DPP10: variants seen among roughly 807,000 people sequenced by gnomAD.
The protein encoded by DPP10 is inactive dipeptidyl peptidase 10.
A neutral mutation model predicts 120.9 loss-of-function variants in DPP10; 33 were observed. The ratio of observed to expected loss-of-function variants is 0.27; its 90% CI spans 0.21 to 0.37. The LOEUF (loss-of-function observed/expected upper bound fraction) is 0.37, where lower values mean the gene tolerates loss of function less well. Ranked by LOEUF, DPP10 falls within the 10% of genes least tolerant of loss-of-function variation. The probability of loss-of-function intolerance (pLI) is 1.00; values close to 1 mark genes in which losing one functional copy is unlikely to be tolerated. For missense variants in DPP10, 816 were observed against 942.8 expected (o/e 0.87, Z 1.76); for synonymous variants, 337 against 326.1 (o/e 1.03, Z -0.36).
intron 1 of DPP10, among the ~76,000 whole-genome samples, chr2:114,578,548 C>T (rs759230521): frequency 2.6e-5 from 4 of 152,238 alleles, no homozygotes; most frequent in South Asian, 4.1e-4. Context: ...CATTTAAATG[C>T]AAAATGGAGT....
At chr2:115,092,266 T>A (rs1254899128) in intron 1 of DPP10, among the ~76,000 whole-genome samples, 1 of 152,200 alleles carries the variant, frequency 6.6e-6, no homozygotes, top group East Asian at 1.9e-4. Context: ...ATGTCCATTA[T>A]CACCTCATTA....
chr2:115,477,553 A>G lies in DPP10; in HGVS notation c.272-21957A>G, dbSNP rs369673955. Among the ~76,000 whole-genome samples, 22 of 152,304 alleles carry G rather than the reference A, an allele frequency of 1.4e-4. No individual in the cohort carries two copies. In the South Asian group the frequency reaches 4.3e-3, roughly 30 times the overall value. On this transcript the variant is annotated intron_variant, in intron 3 of 25. Transcript: ENST00000410059. ...CCACATACATGGATTGAGAGACAGT[A>G]TTGTTAAGATGCCAATAATGTCCAA...
At chr2:114,527,415 G>A (rs946785048) in intron 1 of DPP10, among the ~76,000 whole-genome samples, 7 of 152,088 alleles carry the variant, frequency 4.6e-5, no homozygotes, top group Admixed American at 1.3e-4. Context: ...TTCTGTGGTC[G>A]TAACTGTTGT....
chr2:115,381,725 GT>G (rs1244806660), intron 3 of DPP10, among the ~76,000 whole-genome samples: 2 of 152,174 alleles, frequency 1.3e-5, no homozygotes, highest in African/African-American at 4.8e-5. Flanking sequence ...CTACAGGTGG[GT>G]TTTTGGTGTG....
chr2:114,662,837 C>T (rs1173267347), intron 1 of DPP10, among the ~76,000 whole-genome samples: 1 of 152,138 alleles, frequency 6.6e-6, no homozygotes, highest in Non-Finnish European at 1.5e-5. Flanking sequence ...GGCTTAGGTC[C>T]AGAGCACCTG....
At chr2:114,762,160 C>A (rs1680339875) in intron 1 of DPP10, among the ~76,000 whole-genome samples, 2 of 152,216 alleles carry the variant, frequency 1.3e-5, no homozygotes, top group South Asian at 4.1e-4. Context: ...TGGTTTGGCA[C>A]ATTCTTAAGG....
chr2:115,239,098 C>A (rs552979985), intron 1 of DPP10, among the ~76,000 whole-genome samples: 2 of 152,134 alleles, frequency 1.3e-5, no homozygotes, highest in African/African-American at 4.8e-5. Context: ...GGTGCCCCCC[C>A]CAGATTAAGG....
intron 1 of DPP10, among the ~76,000 whole-genome samples, chr2:114,595,526 A>G (rs950204238): frequency 6.6e-6 from 1 of 152,136 alleles, no homozygotes; most frequent in Non-Finnish European, 1.5e-5. Context: ...TCTCGCTGTT[A>G]TTGTATTCTG....
At chr2:115,830,816 G>A (rs1469291871) in intron 21 of DPP10, among the ~76,000 whole-genome samples, 5 of 152,048 alleles carry the variant, frequency 3.3e-5, no homozygotes, top group Non-Finnish European at 5.9e-5. Context: ...TGGATATCTG[G>A]GGAAAATAAA....
chr2:114,769,452 A>G (rs1457645242), intron 1 of DPP10, among the ~76,000 whole-genome samples: 2 of 152,214 alleles, frequency 1.3e-5, no homozygotes, highest in Non-Finnish European at 2.9e-5. Flanking sequence ...CAGGGAAGCT[A>G]GCATCAGTGA....
At chr2:115,787,011 A>G (rs1322068950) in intron 17 of DPP10, among the ~76,000 whole-genome samples, 1 of 152,222 alleles carries the variant, frequency 6.6e-6, no homozygotes, top group Non-Finnish European at 1.5e-5. Flanking sequence ...AACATTTAGA[A>G]GAGATCCCAG....
intron 1 of DPP10, among the ~76,000 whole-genome samples, chr2:115,250,485 G>A (rs1381884571): frequency 6.6e-6 from 1 of 152,172 alleles, no homozygotes; most frequent in Non-Finnish European, 1.5e-5. Flanking sequence ...GAAGAGAAAT[G>A]TATGGGTGGT....
intron 1 of DPP10, among the ~76,000 whole-genome samples, chr2:115,197,315 C>T (rs2055355296): frequency 1.3e-5 from 2 of 151,572 alleles, no homozygotes; most frequent in South Asian, 4.2e-4. Context: ...TCGCCTGAAC[C>T]TGGGAGGCGG....
chr2:114,786,228 G>A (rs950350146), intron 1 of DPP10, among the ~76,000 whole-genome samples: 8 of 152,186 alleles, frequency 5.3e-5, no homozygotes, highest in Non-Finnish European at 1.0e-4. Context: ...TAGAATTTTT[G>A]TTCTAGAAAC....
intron 5 of DPP10, among the ~76,000 whole-genome samples, chr2:115,568,694 C>T (rs1015925614): frequency 6.6e-6 from 1 of 151,820 alleles, no homozygotes; most frequent in African/African-American, 2.4e-5. Flanking sequence ...TGTTTCTGCT[C>T]ATTCCCATGG....
intron 12 of DPP10, among the ~76,000 whole-genome samples, chr2:115,767,545 G>A (rs978910119): frequency 9.2e-5 from 14 of 151,394 alleles, no homozygotes; most frequent in Non-Finnish European, 1.8e-4. Flanking sequence ...TATATAGTGT[G>A]TGTATATATA....
intron 1 of DPP10, among the ~76,000 whole-genome samples, chr2:114,970,191 G>A (rs1699303040): frequency 6.6e-6 from 1 of 152,176 alleles, no homozygotes; most frequent in South Asian, 2.1e-4. Context: ...GCTTAGTTAT[G>A]GCCTTAGGAT....
chr2:115,398,610 T>C (rs1026002176), intron 3 of DPP10, among the ~76,000 whole-genome samples: 4 of 152,156 alleles, frequency 2.6e-5, no homozygotes, highest in African/African-American at 9.7e-5. Context: ...TTTGCATCAT[T>C]AAAAGTTCTC....
intron 1 of DPP10, among the ~76,000 whole-genome samples, chr2:115,187,138 G>T (rs920071755): frequency 7.4e-6 from 1 of 134,946 alleles, no homozygotes; most frequent in South Asian, 2.6e-4. Context: ...CCGGGTTCAC[G>T]CCATTCTCCT....
Sources: gnomAD v4.1 joint callset for allele counts (sites outside exome capture counted in the v4.1 genomes callset) on GRCh38, gnomAD v4.1.1 for gene constraint, MANE v1.5 for transcripts, NCBI Gene and HGNC (gene_info 2026-07-23, HGNC 2026-07-21) for gene names.